The following RAPH1 variants were observed in gnomAD, a reference collection of about 807,000 sequenced individuals.
RAPH1 encodes the protein ras-associated and pleckstrin homology domains-containing protein 1.
In RAPH1, 18 loss-of-function variants were observed where a neutral mutation model predicts 88.1. The ratio of observed to expected loss-of-function variants is 0.20; its 90% confidence interval spans 0.14 to 0.30. The LOEUF (loss-of-function observed/expected upper bound fraction) is 0.30. Among genes scored for constraint, RAPH1 ranks in the 10% least tolerant of loss-of-function variants. RAPH1 has a pLI of 1.00. For synonymous variants in RAPH1, 587 were observed against 559.0 expected (o/e 1.05, Z -0.71); for missense variants, 1,448 against 1,543.2 (o/e 0.94, Z 1.03).
chr2:203,525,428 C>G (rs184883617), intron 1 of RAPH1, among the ~76,000 whole-genome samples: 1 of 152,186 alleles, frequency 6.6e-6, no homozygotes, highest in East Asian at 1.9e-4. Flanking sequence ...CAATCCACCA[C>G]CCCCTTGGCC....
rs989908466 is a variant in RAPH1 at position 203,519,116 on chromosome 2, T to C, written c.-1+15995A>G. ...ATTCTCTACAATCTCTTCTCGAAGA[T>C]AGAAGCAGAGGGAATAATACATAGT... On this transcript the variant is annotated intron_variant, in intron 1 of 13. Coordinates refer to ENST00000319170, the MANE Select transcript of RAPH1 (RefSeq NM_213589.3). 5.3e-5 allele frequency among the ~76,000 whole-genome samples: 8 copies of C among 152,278 alleles called. No homozygotes were observed. The South Asian group carries it at 6.2e-4, about 12-fold the overall frequency.
At chr2:203,441,956 G>A in intron 13 of RAPH1, 1 of 1,458,764 alleles carries the variant, frequency 6.9e-7, no homozygotes, top group East Asian at 2.6e-5. Flanking sequence ...GAGCAGGCGT[G>A]CACAGTCACA....
intron 4 of RAPH1, among the ~76,000 whole-genome samples, chr2:203,480,670 T>C (rs955872482): frequency 1.3e-5 from 2 of 152,260 alleles, no homozygotes; most frequent in Non-Finnish European, 2.9e-5. Context: ...TTCCTTGTGA[T>C]AGCTAACACT....
chr2:203,444,629 G>GT (rs1017175995), intron 13 of RAPH1: 32 of 416,316 alleles, frequency 7.7e-5, no homozygotes, highest in East Asian at 1.4e-4. Flanking sequence ...AGTTTTTTTT[G>GT]TTTTTTTGAG....
rs1165571101 is a variant in RAPH1 at position 203,438,828 on chromosome 2, G to C, written c.*609C>G. On this transcript the variant is annotated 3_prime_UTR_variant, in exon 14 of 14. Transcript: ENST00000319170. Reference sequence around the variant, plus strand: ...CTGCACTAGTTACCCGTTCTATGAAGCTGAGAGATTTTCCTGATTTAAAGT... The same window carrying C: ...CTGCACTAGTTACCCGTTCTATGAACCTGAGAGATTTTCCTGATTTAAAGT... 2.6e-5 allele frequency: 4 copies of C among 154,082 alleles called. No individual in the cohort carries two copies. The highest frequency in any genetic ancestry group is 5.8e-5 in the Non-Finnish European group (4 of 69,224). 9.5% of individuals were successfully genotyped at this position (154,082 alleles called of 1,614,324 possible).
intron 1 of RAPH1, among the ~76,000 whole-genome samples, chr2:203,502,637 C>T (rs866878849): frequency 2.7e-5 from 4 of 147,326 alleles, no homozygotes; most frequent in East Asian, 2.0e-4. Context: ...CTGGCTAACA[C>T]GGTGAAACCC....
At chr2:203,461,536 C>A in intron 5 of RAPH1, 128 bp from the exon 6 acceptor site, 1 of 653,106 alleles carries the variant, frequency 1.5e-6, no homozygotes, top group Non-Finnish European at 2.4e-6. Context: ...ATAATGACTT[C>A]ATTATGCAAA....
intron 1 of RAPH1, among the ~76,000 whole-genome samples, chr2:203,501,552 G>C (rs1161695480): frequency 6.6e-6 from 1 of 152,148 alleles, no homozygotes; most frequent in Admixed American, 6.5e-5. Flanking sequence ...CAGACTGCTT[G>C]AGCCCAGGAG....
At chr2:203,518,306 G>A (rs189267384) in intron 1 of RAPH1, among the ~76,000 whole-genome samples, 46 of 151,932 alleles carry the variant, frequency 3.0e-4, no homozygotes, top group Admixed American at 9.2e-4. Flanking sequence ...ACTTGAGGTC[G>A]GGAGTTTGAG....
chr2:203,522,758 C>T (rs1224285148), intron 1 of RAPH1, among the ~76,000 whole-genome samples: 2 of 151,678 alleles, frequency 1.3e-5, no homozygotes, highest in East Asian at 1.9e-4. Flanking sequence ...AAAAATTAGC[C>T]GAGCATGGTG....
intron 1 of RAPH1, chr2:203,533,467 G>A (rs915975574): frequency 6.6e-6 from 1 of 152,086 alleles, no homozygotes; most frequent in Non-Finnish European, 1.5e-5. Context: ...AAAAGCTATT[G>A]AGCGTCTCTA....
chr2:203,485,368 G>A (rs570759701), intron 4 of RAPH1, among the ~76,000 whole-genome samples: 64 of 145,510 alleles, frequency 4.4e-4, no homozygotes, highest in Admixed American at 7.2e-4. Flanking sequence ...CTGAGATTGC[G>A]CCACTGCATT....
chr2:203,449,465 C>T (rs2098512923), intron 10 of RAPH1, among the ~76,000 whole-genome samples: 1 of 152,204 alleles, frequency 6.6e-6, no homozygotes, highest in African/African-American at 2.4e-5. Context: ...TTAGTTTTCA[C>T]AACCCACTGT....
intron 1 of RAPH1, among the ~76,000 whole-genome samples, chr2:203,495,989 T>A (rs1688492154): frequency 6.6e-6 from 1 of 152,186 alleles, no homozygotes; most frequent in Non-Finnish European, 1.5e-5. Flanking sequence ...TAAATCCAGA[T>A]CCAAATCCTG....
intron 1 of RAPH1, among the ~76,000 whole-genome samples, chr2:203,504,702 G>C (rs902808125): frequency 2.7e-5 from 4 of 150,908 alleles, no homozygotes; most frequent in African/African-American, 9.8e-5. Context: ...CTTTTCTACT[G>C]CATCATCAGG....
At chr2:203,471,340 T>C (rs2098532881) in intron 4 of RAPH1, among the ~76,000 whole-genome samples, 1 of 152,086 alleles carries the variant, frequency 6.6e-6, no homozygotes, top group Non-Finnish European at 1.5e-5. Context: ...CAGCACCCCC[T>C]ATAAGAAAGT....
In RAPH1 at chr2:203,440,259, G is replaced by C. The variant is rs748096364; in HGVS notation, c.2931C>G (p.Arg977=). ...CACTGCTGGATTTAATGCTGGAGTT[G>C]CGCTGTGGGGTTGGGGGTGGTTTCT... ...GGKKPPPTPQ[R]NSSIKSSSGA... is the part of the protein sequence containing the mutation. Residue 977 remains arginine (R), a synonymous_variant, in exon 14 of 14, where the codon CGC becomes CGG. Transcript: ENST00000319170. The C allele has an allele frequency of 1.2e-6, 2 of 1,614,006 alleles. No individual in the cohort carries two copies. The highest frequency in any genetic ancestry group is 1.7e-6 in the Non-Finnish European group (2 of 1,180,000).
intron 1 of RAPH1, among the ~76,000 whole-genome samples, chr2:203,515,114 C>A (rs573239593): frequency 6.6e-6 from 1 of 152,164 alleles, no homozygotes; most frequent in Admixed American, 6.6e-5. Flanking sequence ...TAGAGGGTAT[C>A]ATCTCCATCC....
intron 13 of RAPH1, chr2:203,441,665 A>C: frequency 7.6e-7 from 1 of 1,310,604 alleles, no homozygotes; most frequent in Non-Finnish European, 9.7e-7. Context: ...ACAATCTAGG[A>C]AAAATGTCCG....
Sources: allele counts gnomAD v4.1 joint callset (sites outside exome capture counted in the v4.1 genomes callset), GRCh38; gene constraint gnomAD v4.1.1; transcripts MANE v1.5; gene names NCBI Gene and HGNC (gene_info 2026-07-23, HGNC 2026-07-21).